ERBB4: variants seen among roughly 807,000 people sequenced by gnomAD.
The protein encoded by ERBB4 is erb-b2 receptor tyrosine kinase 4, also known as receptor tyrosine-protein kinase erbB-4.
ERBB4 carries 42 observed loss-of-function variants against 158.0 expected under a neutral mutation model. The ratio of observed to expected loss-of-function variants is 0.27; its 90% confidence interval spans 0.21 to 0.34. The LOEUF (loss-of-function observed/expected upper bound fraction) is 0.34, where lower values mean the gene tolerates loss of function less well. Among genes scored for constraint, ERBB4 ranks in the 10% least tolerant of loss-of-function variants. The pLI is 1.00. For missense variants in ERBB4, 1,333 were observed against 1,624.1 expected (o/e 0.82, Z 3.08); for synonymous variants, 583 against 558.7 (o/e 1.04, Z -0.61).
intron 19 of ERBB4, among the ~76,000 whole-genome samples, chr2:211,580,787 G>GATATATATATATATAT (rs58919262): frequency 2.4e-4 from 16 of 67,720 alleles, no homozygotes; most frequent in African/African-American, 6.7e-4. Flanking sequence ...AAGAAATTGT[G>GATATATATATATATAT]ATATATATAT....
At chr2:212,160,560 G>T (rs2081172691) in intron 1 of ERBB4, among the ~76,000 whole-genome samples, 1 of 151,948 alleles carries the variant, frequency 6.6e-6, no homozygotes, top group African/African-American at 2.4e-5. Context: ...ATGTCCCATT[G>T]TCTCTATGCC....
Position 211,592,695 on chromosome 2 carries a change from A to G in ERBB4, c.2301+26482T>C, listed in dbSNP as rs114515315. On this transcript the variant is annotated intron_variant, in intron 19 of 27. Transcript: ENST00000342788. ...GTCTTTAAGTAGTACAAGGGCCAAT[A>G]AAATGGAGTGAACTTAAAATAGTAT... Among the ~76,000 whole-genome samples, 162 of 152,248 alleles carry G rather than the reference A, an allele frequency of 1.1e-3. 2 individuals are homozygous for G. Among genetic ancestry groups the G allele is most frequent in the Middle Eastern group, 3.4e-3 (1 of 294 alleles).
At chr2:212,320,044 A>G (rs1055943618) in intron 1 of ERBB4, among the ~76,000 whole-genome samples, 3 of 149,966 alleles carry the variant, frequency 2.0e-5, no homozygotes, top group East Asian at 2.0e-4. Flanking sequence ...TTGTTTCTGA[A>G]TCTTAAAGCA....
intron 4 of ERBB4, among the ~76,000 whole-genome samples, chr2:211,780,200 A>C (rs2076000880): frequency 6.6e-6 from 1 of 151,994 alleles, no homozygotes; most frequent in Non-Finnish European, 1.5e-5. Context: ...TGTCTCTACA[A>C]ACAGTAAAAA....
At chr2:212,386,604 T>C (rs534265325) in intron 1 of ERBB4, among the ~76,000 whole-genome samples, 11 of 151,492 alleles carry the variant, frequency 7.3e-5, no homozygotes, top group African/African-American at 2.7e-4. Context: ...TTAACTTTCA[T>C]TACCTTCTCC....
In ERBB4 at chr2:211,713,593, C is replaced by T. The variant is rs2106087322; in HGVS notation, c.939G>A (p.Met313Ile). 1 of 1,612,768 alleles carries T rather than the reference C, an allele frequency of 6.2e-7. No individual in the cohort carries two copies. Among genetic ancestry groups the T allele is most frequent in the East Asian group, 2.2e-5 (1 of 44,828 alleles). Residue 313 changes from methionine (M) to isoleucine (I), a missense_variant, in exon 8 of 28, where the codon ATG becomes ATA. Physicochemically the swap from Met to Ile is conservative, Grantham distance 10. Around this residue, in one of 5 missense-constraint regions of ERBB4, gnomAD observed 438 missense variants for 586.9 expected, o/e 0.75. Transcript: ENST00000342788. ...SCVRACPSSK[M>I]EVEENGIKMC... is the part of the protein sequence containing the mutation. ...TTTTAATCCCATTTTCTTCTACTTCCATCTTGGAACTAGGGCAGGCACGCA... is the reference window on the plus strand; with the variant it reads ...TTTTAATCCCATTTTCTTCTACTTCTATCTTGGAACTAGGGCAGGCACGCA...
At chr2:212,456,862 T>C (rs1688313791) in intron 1 of ERBB4, among the ~76,000 whole-genome samples, 1 of 152,036 alleles carries the variant, frequency 6.6e-6, no homozygotes, top group Non-Finnish European at 1.5e-5. Flanking sequence ...AATTTTCCCA[T>C]TAAGTAGACA....
chr2:211,622,991 ATATATATAT>A (rs1273610871), intron 18 of ERBB4, among the ~76,000 whole-genome samples: 3 of 6,430 alleles, frequency 4.7e-4, no homozygotes, highest in Non-Finnish European at 5.6e-4. Context: ...AAAAAAAAAA[ATATATATAT>A]ATATATATAT....
intron 20 of ERBB4, among the ~76,000 whole-genome samples, chr2:211,442,594 A>G (rs762893665): frequency 6.6e-6 from 1 of 152,066 alleles, no homozygotes; most frequent in Non-Finnish European, 1.5e-5. Context: ...TAGAGAGTAG[A>G]TAAAGCACAA....
rs564132257 is a variant in ERBB4, at chr2:212,404,579, AGAGGAT to A, written c.82+133864_82+133869del. On this transcript the variant is annotated intron_variant, in intron 1 of 27. Transcript: ENST00000342788. ...CAGAACATGTGAGTTATGGCATGTT[AGAGGAT>A]GACAAGTAAAAGAAAATCAGCAGGG... Among the ~76,000 whole-genome samples the A allele has an allele frequency of 5.3e-4, 81 of 152,234 alleles. 1 individual carries two copies. The highest frequency in any genetic ancestry group is 1.1e-3 in the Non-Finnish European group (73 of 67,970).
At chr2:211,769,702 G>A (rs1423434456) in intron 4 of ERBB4, among the ~76,000 whole-genome samples, 1 of 152,192 alleles carries the variant, frequency 6.6e-6, no homozygotes, top group East Asian at 1.9e-4. Flanking sequence ...GCAAACCACT[G>A]GTGTTAAGTC....
chr2:212,207,427 T>C (rs2082797242), intron 1 of ERBB4, among the ~76,000 whole-genome samples: 2 of 152,188 alleles, frequency 1.3e-5, no homozygotes, highest in African/African-American at 4.8e-5. Flanking sequence ...TATATGATAA[T>C]ATATGACAGA....
At chr2:212,469,865 T>C (rs771715445) in intron 1 of ERBB4, among the ~76,000 whole-genome samples, 1 of 152,160 alleles carries the variant, frequency 6.6e-6, no homozygotes, top group Non-Finnish European at 1.5e-5. Flanking sequence ...CACCTATTCC[T>C]GTTTCTAAAA....
intron 16 of ERBB4, among the ~76,000 whole-genome samples, chr2:211,655,752 T>C (rs1445841382): frequency 6.6e-6 from 1 of 152,182 alleles, no homozygotes; most frequent in Admixed American, 6.5e-5. Context: ...TATAAAACTA[T>C]AGTTTAGGCC....
chr2:211,794,203 T>A (rs1458486012), intron 3 of ERBB4, among the ~76,000 whole-genome samples: 1 of 151,976 alleles, frequency 6.6e-6, no homozygotes, highest in African/African-American at 2.4e-5. Flanking sequence ...TACTTCAGTA[T>A]CCACTACAAT....
chr2:212,097,856 T>C (rs2078973737), intron 2 of ERBB4, among the ~76,000 whole-genome samples: 1 of 151,942 alleles, frequency 6.6e-6, no homozygotes, highest in Non-Finnish European at 1.5e-5. Context: ...GATTAAAGAG[T>C]AAAAACTGTA....
intron 1 of ERBB4, among the ~76,000 whole-genome samples, chr2:212,140,376 T>C (rs1056041766): frequency 4.1e-5 from 5 of 120,572 alleles, no homozygotes; most frequent in Non-Finnish European, 7.9e-5. Context: ...GTAATATCTA[T>C]ATGTTTATGT....
chr2:211,757,598 G>A (rs2075313775), intron 4 of ERBB4, among the ~76,000 whole-genome samples: 1 of 152,188 alleles, frequency 6.6e-6, no homozygotes, highest in African/African-American at 2.4e-5. Flanking sequence ...GCACAGAAGT[G>A]TCTGCAGCGC....
At chr2:211,479,272 T>C (rs2065027930) in intron 20 of ERBB4, among the ~76,000 whole-genome samples, 1 of 152,180 alleles carries the variant, frequency 6.6e-6, no homozygotes, top group Non-Finnish European at 1.5e-5. Flanking sequence ...AGCTCCCCTC[T>C]ATTTCTGCTC....
Sources: gnomAD v4.1 joint callset for allele counts (sites outside exome capture counted in the v4.1 genomes callset) on GRCh38, gnomAD v4.1.1 for gene constraint, gnomAD v4.1.1 regional missense constraint, MANE v1.5 for transcripts, NCBI Gene and HGNC (gene_info 2026-07-23, HGNC 2026-07-21) for gene names.